Variants in CASP10 observed in about 807,000 individuals in gnomAD.
CASP10 encodes caspase-10.
CASP10 carries 41 observed loss-of-function variants against 48.5 expected under a neutral mutation model. The observed-to-expected ratio is 0.85, with a 90% CI of 0.66 to 1.10. The LOEUF (loss-of-function observed/expected upper bound fraction) is 1.10. Ranked by LOEUF, CASP10 falls within the 50% of genes least tolerant of loss-of-function variation. The pLI is 0.00. For synonymous variants in CASP10, 232 were observed against 238.4 expected (o/e 0.97, Z 0.25); for missense variants, 614 against 614.5 (o/e 1.00, Z 0.01).
chr2:201,229,196 C>T, exon 10 of CASP10: 1 of 1,326,832 alleles, frequency 7.5e-7, no homozygotes, highest in Non-Finnish European at 1.1e-6. Context: ...GATTCTGCAG[C>T]CACAAAGTTG....
chr2:201,191,822 T>A (rs1217041658), intron 3 of CASP10, among the ~76,000 whole-genome samples: 1 of 152,246 alleles, frequency 6.6e-6, no homozygotes, highest in African/African-American at 2.4e-5. Flanking sequence ...AGGAAATCCG[T>A]TCTCAGCACA....
In CASP10 at chr2:201,195,903, A is replaced by G; in HGVS notation, c.639A>G (p.Glu213=). 6.2e-7 allele frequency: 1 copy of G among 1,614,068 alleles called. No individual in the cohort carries two copies. Among genetic ancestry groups the G allele is most frequent in the Non-Finnish European group, 8.5e-7 (1 of 1,179,956 alleles). The change falls in exon 5 of 10, where the codon GAA becomes GAG. Residue 213 remains glutamate, a synonymous_variant. Transcript: ENST00000286186. ...KEAESYQGEE[E]LVSQTDVKTF... ...CCGAGTCGTATCAAGGAGAGGAAGA[A>G]CTAGTTTCCCAAACAGATGTTAAGA... is the stretch of plus-strand genomic sequence containing the variant.
intron 9 of CASP10, among the ~76,000 whole-genome samples, chr2:201,226,981 T>C (rs1945795303): frequency 1.3e-5 from 2 of 152,176 alleles, no homozygotes; most frequent in South Asian, 4.1e-4. Context: ...GAGTCTTTTA[T>C]GTTGCTTATA....
At chr2:201,184,764 A>T (rs905647676) in intron 1 of CASP10, among the ~76,000 whole-genome samples, 1 of 152,206 alleles carries the variant, frequency 6.6e-6, no homozygotes, top group Admixed American at 6.5e-5. Flanking sequence ...ATTATGATGA[A>T]ATTTAGTATA....
chr2:201,216,077 T>C (rs1032334007), intron 9 of CASP10, among the ~76,000 whole-genome samples: 5 of 151,952 alleles, frequency 3.3e-5, no homozygotes, highest in African/African-American at 1.2e-4. Flanking sequence ...TCCTCTTCAC[T>C]TTCTTTCATC....
At chr2:201,184,014 G>A (rs540827109) in intron 1 of CASP10, among the ~76,000 whole-genome samples, 10 of 152,128 alleles carry the variant, frequency 6.6e-5, no homozygotes, top group African/African-American at 2.4e-4. Flanking sequence ...TCCCATCTCA[G>A]CTTCCTATGA....
intron 6 of CASP10, among the ~76,000 whole-genome samples, chr2:201,205,228 C>CTTT (rs35121141): frequency 1.4e-5 from 2 of 138,868 alleles, no homozygotes; most frequent in African/African-American, 5.3e-5. Context: ...CTTTTCTTTT[C>CTTT]TTTTTTTTTT....
At chr2:201,224,263 G>T (rs1045812866), downstream of CASP10, among the ~76,000 whole-genome samples, 1 of 151,456 alleles carries the variant, frequency 6.6e-6, no homozygotes, top group Non-Finnish European at 1.5e-5. Context: ...GAGCCACCGT[G>T]CCTGGCCAAA....
rs768180020 is a variant in CASP10 at position 201,185,760 on chromosome 2, G to C, written c.-7-11G>C. 6.3e-7 allele frequency: 1 copy of C among 1,579,900 alleles called. No individual in the cohort carries two copies. The highest frequency in any genetic ancestry group is 8.7e-7 in the Non-Finnish European group (1 of 1,148,986). ...CTCTAACTCCCTGCCCCACCTCTCT[G>C]TCCCTTTCAGGCTGGCCATGAAATC... On this transcript the variant is annotated splice_polypyrimidine_tract_variant and intron_variant, in intron 1 of 9. Coordinates refer to ENST00000286186, the MANE Select transcript of CASP10 (RefSeq NM_032977.4).
chr2:201,194,197 T>C (rs1384255682), intron 4 of CASP10, among the ~76,000 whole-genome samples: 2 of 152,100 alleles, frequency 1.3e-5, no homozygotes, highest in Non-Finnish European at 2.9e-5. Context: ...AAGTCAAACC[T>C]GGCTGCCTTA....
chr2:201,206,744 A>G lies in CASP10; in HGVS notation c.813+771A>G, dbSNP rs548724376. ...CCCAAGTACCACCATGCCAGCTTGTATATTATTTTTATATTCAGAAATAAA... is the reference window on the plus strand; with the variant it reads ...CCCAAGTACCACCATGCCAGCTTGTGTATTATTTTTATATTCAGAAATAAA... On this transcript the variant is annotated intron_variant, in intron 7 of 9. Coordinates refer to ENST00000286186, the MANE Select transcript of CASP10 (RefSeq NM_032977.4). Among the ~76,000 whole-genome samples the G allele has an allele frequency of 3.9e-5, 6 of 151,920 alleles. No homozygotes were observed. The South Asian group carries it at 1.2e-3, about 31-fold the overall frequency.
intron 7 of CASP10, 26 bp downstream of exon 7, chr2:201,205,999 T>G: frequency 6.6e-7 from 1 of 1,505,500 alleles, no homozygotes; most frequent in Non-Finnish European, 9.2e-7. Context: ...TTTATTCCTT[T>G]TTTAATAAAA....
In CASP10 at chr2:201,192,916, G is replaced by T. The variant is rs1944659423; in HGVS notation, c.442-68G>T. 6 of 1,517,312 alleles carry T rather than the reference G, an allele frequency of 4.0e-6. No individual in the cohort carries two copies. The South Asian group carries it at 6.8e-5, about 17-fold the overall frequency. 94.0% of individuals were successfully genotyped at this position (1,517,312 alleles called of 1,614,324 possible). On this transcript the variant is annotated intron_variant, in intron 3 of 9. Coordinates refer to ENST00000286186, the MANE Select transcript of CASP10 (RefSeq NM_032977.4). The stretch of plus-strand genomic sequence containing the variant: ...GCAAAACCTAGTGCCTACTGGCCAT[G>T]CAGATAACATTTGAGTGAGTGGATA...
chr2:201,219,958 T>C lies in CASP10; in HGVS notation c.*2217T>C, dbSNP rs988659453. ...TGGAAGGGCATTAGGAGTGTTTCATTTGATATGTGAATGCTCATAAAAAAA... is the reference window on the plus strand; with the variant it reads ...TGGAAGGGCATTAGGAGTGTTTCATCTGATATGTGAATGCTCATAAAAAAA... On this transcript the variant is annotated 3_prime_UTR_variant, in exon 10 of 10. Transcript: ENST00000286186. The C allele has an allele frequency of 9.1e-6, 9 of 985,266 alleles. No homozygotes were observed. The highest frequency in any genetic ancestry group is 1.1e-5 in the Non-Finnish European group (9 of 829,928). The allele number at this position is 985,266 out of a possible 1,614,324, so 61.0% of individuals were successfully genotyped here.
chr2:201,217,754 G>C lies in CASP10; in HGVS notation c.*13G>C. The C allele has an allele frequency of 1.2e-6, 2 of 1,613,722 alleles. No homozygotes were observed. Among genetic ancestry groups the C allele is most frequent in the South Asian group, 1.1e-5 (1 of 91,080 alleles). The stretch of plus-strand genomic sequence containing the variant: ...ACTTTCATTATAGCAGAGAGTTTTT[G>C]TTGGTTCTTAGACCTCAAACGAATC... On this transcript the variant is annotated 3_prime_UTR_variant, in exon 10 of 10. Transcript: ENST00000286186.
At chr2:201,227,651 G>C (rs1945805179) in intron 9 of CASP10, among the ~76,000 whole-genome samples, 1 of 152,080 alleles carries the variant, frequency 6.6e-6, no homozygotes, top group Admixed American at 6.5e-5. Flanking sequence ...CCACCTCCTG[G>C]GTTCATGCCA....
In CASP10 at chr2:201,183,211, G is replaced by A. The variant is rs1944291133; in HGVS notation, c.-105G>A. On this transcript the variant is annotated 5_prime_UTR_variant, in exon 1 of 10. Transcript: ENST00000286186. The stretch of plus-strand genomic sequence containing the variant: ...CAAATGGGAGCTTCTTTGGACCTTG[G>A]AGCACACAGAGGATTCTACTTTCTT... 6.6e-6 allele frequency: 1 copy of A among 152,158 alleles called. No homozygotes were observed. Among genetic ancestry groups the A allele is most frequent in the East Asian group, 1.9e-4 (1 of 5,200 alleles). The allele number at this position is 152,158 out of a possible 1,614,324, so 9.4% of individuals were successfully genotyped here.
chr2:201,186,384 C>G (rs1944416271), intron 2 of CASP10: 2 of 469,678 alleles, frequency 4.3e-6, no homozygotes, highest in South Asian at 4.2e-5. Context: ...TGAAGCCCAC[C>G]TCAGTGTGGC....
chr2:201,209,627 C>A (rs1945331022), intron 9 of CASP10, 65 bp downstream of exon 9: 9 of 1,486,840 alleles, frequency 6.1e-6, no homozygotes, highest in Non-Finnish European at 8.2e-6. Context: ...ATTTTACTCT[C>A]ATTCAACACC....
Sources: allele counts gnomAD v4.1 joint callset (sites outside exome capture counted in the v4.1 genomes callset), GRCh38; gene constraint gnomAD v4.1.1; transcripts MANE v1.5; gene names NCBI Gene and HGNC (gene_info 2026-07-23, HGNC 2026-07-21).